Variants in LMO4 observed in about 807,000 individuals in gnomAD.
The protein encoded by LMO4 is LIM domain transcription factor LMO4.
In LMO4, 3 loss-of-function variants were observed where a neutral mutation model predicts 18.5. That is an observed-to-expected ratio of 0.16 (90% CI 0.07 to 0.42). LMO4 has a LOEUF of 0.42. Ranked by LOEUF, LMO4 falls within the 10% of genes least tolerant of loss-of-function variation. The probability of loss-of-function intolerance (pLI) is 0.99; values close to 1 mark genes in which losing one functional copy is unlikely to be tolerated. For missense variants in LMO4, 121 were observed against 219.9 expected (o/e 0.55, Z 2.84); for synonymous variants, 100 against 88.1 (o/e 1.14, Z -0.76).
At position 87,345,787 on chromosome 1, in the gene LMO4, A is replaced by AC. The variant is rs1174052344; in HGVS notation, c.*992dup. On this transcript the variant is annotated 3_prime_UTR_variant, in exon 5 of 5. Coordinates refer to ENST00000370544, the MANE Select transcript of LMO4 (RefSeq NM_006769.4). ...TGGCAGGGGTACAAAGTAGTTTCTAACAGGGTCCTTTCTATAAGTCAAGAA... is the reference window on the plus strand; with the variant it reads ...TGGCAGGGGTACAAAGTAGTTTCTAACCAGGGTCCTTTCTATAAGTCAAGAA... The AC allele has an allele frequency of 6.6e-6, 1 of 152,214 alleles. No individual in the cohort carries two copies. The highest frequency in any genetic ancestry group is 6.5e-5 in the Admixed American group (1 of 15,286). The allele number at this position is 152,214 out of a possible 1,614,324, so 9.4% of individuals were successfully genotyped here.
chr1:87,333,050 C>A (rs1028115977), intron 2 of LMO4, among the ~76,000 whole-genome samples: 1 of 152,168 alleles, frequency 6.6e-6, no homozygotes, highest in Non-Finnish European at 1.5e-5. Flanking sequence ...ACTAATCTTG[C>A]ATTTTAAAGC....
chr1:87,338,496 A>T (rs1650377285), intron 2 of LMO4, among the ~76,000 whole-genome samples: 1 of 152,252 alleles, frequency 6.6e-6, no homozygotes, highest in Admixed American at 6.5e-5. Flanking sequence ...ATTTGTGGAT[A>T]TTAAAGAGGG....
chr1:87,329,625 AC>A (rs551092359), intron 1 of LMO4, among the ~76,000 whole-genome samples: 8 of 150,772 alleles, frequency 5.3e-5, no homozygotes, highest in South Asian at 4.2e-4. Flanking sequence ...TAGTCACGAT[AC>A]CCCCCCTCCC....
intron 2 of LMO4, 127 bp downstream of exon 2, chr1:87,332,378 A>C (rs1467530495): frequency 1.4e-6 from 1 of 695,998 alleles, no homozygotes; most frequent in African/African-American, 1.8e-5. Context: ...AAAATCTTCT[A>C]GTTGGCGGAA....
Position 87,344,900 on chromosome 1 carries a change from G to A in LMO4, c.*104G>A. The A allele has an allele frequency of 8.9e-7, 1 of 1,119,832 alleles. No individual in the cohort carries two copies. The highest frequency in any genetic ancestry group is 1.4e-6 in the Non-Finnish European group (1 of 736,124). 69.4% of individuals were successfully genotyped at this position (1,119,832 alleles called of 1,614,324 possible). ...CAAGTCACCTTTGTAGCTAGCACCA[G>A]TGCCAGCTCCATGCCATTGCACCTT... On this transcript the variant is annotated 3_prime_UTR_variant, in exon 5 of 5. Coordinates refer to ENST00000370544, the MANE Select transcript of LMO4 (RefSeq NM_006769.4).
chr1:87,333,497 C>T (rs1437200824), intron 2 of LMO4, among the ~76,000 whole-genome samples: 1 of 152,102 alleles, frequency 6.6e-6, no homozygotes, highest in East Asian at 1.9e-4. Flanking sequence ...TTCGCCTTAT[C>T]CTGCGACTAA....
At position 87,348,279 on chromosome 1, in the gene LMO4, A is replaced by T. The variant is rs1252596936; in HGVS notation, c.*3483A>T. 5.3e-5 allele frequency: 9 copies of T among 169,416 alleles called. No homozygotes were observed. In the East Asian group the frequency reaches 1.3e-3, roughly 25 times the overall value. The allele number at this position is 169,416 out of a possible 1,614,324, so 10.5% of individuals were successfully genotyped here. On this transcript the variant is annotated 3_prime_UTR_variant, in exon 5 of 5. Coordinates refer to ENST00000370544, the MANE Select transcript of LMO4 (RefSeq NM_006769.4). ...CACCCCAAAGACCCCTTCACCCTTC[A>T]CCAGGGAATTCTATCCTGGGTGCTG...
chr1:87,342,285 A>G (rs1650519898), intron 4 of LMO4, among the ~76,000 whole-genome samples: 1 of 152,204 alleles, frequency 6.6e-6, no homozygotes, highest in African/African-American at 2.4e-5. Flanking sequence ...CCTAAGAAAT[A>G]TGAGCAGGAT....
At chr1:87,344,427 G>GA (rs1229004888) in intron 4 of LMO4, among the ~76,000 whole-genome samples, 1 of 152,190 alleles carries the variant, frequency 6.6e-6, no homozygotes, top group African/African-American at 2.4e-5. Context: ...ACTTGTCTTG[G>GA]AATGTCCCCG....
chr1:87,336,239 A>T (rs1650309279), intron 2 of LMO4, among the ~76,000 whole-genome samples: 1 of 152,198 alleles, frequency 6.6e-6, no homozygotes, highest in African/African-American at 2.4e-5. Context: ...TTGCTTCTGG[A>T]TCAGTAGCTG....
intron 2 of LMO4, among the ~76,000 whole-genome samples, chr1:87,336,722 T>C (rs1650325661): frequency 6.6e-6 from 1 of 152,178 alleles, no homozygotes. Context: ...CTTCTTGGAC[T>C]GAGGACCCAA....
Position 87,339,535 on chromosome 1 carries a change from G to A in LMO4, c.237-1G>A. Reference sequence around the variant, plus strand: ...GTGTCAACCGTTATTCTTTGTTTCAGGTTATTTGGAAATAGCGGTGCTTGC... The same window carrying A: ...GTGTCAACCGTTATTCTTTGTTTCAAGTTATTTGGAAATAGCGGTGCTTGC... On this transcript the variant is annotated splice_acceptor_variant, in intron 2 of 4. Transcript: ENST00000370544. LOFTEE classifies it high-confidence loss of function. The A allele has an allele frequency of 6.2e-7, 1 of 1,611,186 alleles. No individual in the cohort carries two copies. The highest frequency in any genetic ancestry group is 8.5e-7 in the Non-Finnish European group (1 of 1,177,420).
intron 2 of LMO4, among the ~76,000 whole-genome samples, chr1:87,333,942 CA>C (rs78559370): frequency 1.3e-3 from 144 of 109,878 alleles, no homozygotes; most frequent in African/African-American, 1.4e-3. Context: ...CGAGTGCCTT[CA>C]AAAAAAAAAA....
Position 87,344,943 on chromosome 1 carries a change from C to G in LMO4, c.*147C>G, listed in dbSNP as rs924684550. ...TGCACCTTCTTTAGTCTTGATTGCC[C>G]TTCCCGCATTTATTGGTGTATTAAA... On this transcript the variant is annotated 3_prime_UTR_variant, in exon 5 of 5. Transcript: ENST00000370544. 4.2e-6 allele frequency: 3 copies of G among 714,624 alleles called. No homozygotes were observed. The African/African-American group carries it at 5.4e-5, about 13-fold the overall frequency. The allele number at this position is 714,624 out of a possible 1,614,324, so 44.3% of individuals were successfully genotyped here.
At position 87,339,639 on chromosome 1, in the gene LMO4, T is replaced by C. The variant is rs762205103; in HGVS notation, c.333+7T>C. 6.4e-7 allele frequency: 1 copy of C among 1,573,730 alleles called. No homozygotes were observed. The highest frequency in any genetic ancestry group is 2.2e-5 in the East Asian group (1 of 44,674). ...CAATGTGTATCATCTTAAGGTAGTA[T>C]TTGCATCTCTCTTTTTTTTTTAAAA... On this transcript the variant is annotated splice_region_variant and intron_variant, in intron 3 of 4. Transcript: ENST00000370544.
Position 87,339,779 on chromosome 1 carries a change from T to A in LMO4, c.333+147T>A, listed in dbSNP as rs559551632. 6.0e-6 allele frequency: 4 copies of A among 663,938 alleles called. No homozygotes were observed. The South Asian group carries it at 7.3e-5, about 12-fold the overall frequency. 41.1% of individuals were successfully genotyped at this position (663,938 alleles called of 1,614,324 possible). On this transcript the variant is annotated intron_variant, in intron 3 of 4. Coordinates refer to ENST00000370544, the MANE Select transcript of LMO4 (RefSeq NM_006769.4). ...GATTGAAATTGTAGCATGGCAGTGA[T>A]GGTTACACATCCACATGCACAGACC...
In LMO4 at chr1:87,346,557, G is replaced by A. The variant is rs1650640420; in HGVS notation, c.*1761G>A. ...CCCTCCCTCTGAGAATAGCCGTGGA[G>A]CCATGTAGAGAGGTGTAGCTCAGCA... On this transcript the variant is annotated 3_prime_UTR_variant, in exon 5 of 5. Transcript: ENST00000370544. The A allele has an allele frequency of 6.6e-6, 1 of 152,162 alleles. No individual in the cohort carries two copies. Among genetic ancestry groups the A allele is most frequent in the Non-Finnish European group, 1.5e-5 (1 of 68,034 alleles). 9.4% of individuals were successfully genotyped at this position (152,162 alleles called of 1,614,324 possible).
chr1:87,340,157 C>A lies in LMO4; in HGVS notation c.444C>A (p.Gly148=). 6.2e-7 allele frequency: 1 copy of A among 1,614,050 alleles called. No homozygotes were observed. The highest frequency in any genetic ancestry group is 8.5e-7 in the Non-Finnish European group (1 of 1,179,966). ...EHDRPTALIN[G]HLNSLQSNPL... ...ATAGACCTACAGCTCTCATCAATGGCCATTTGAATTCACTTCAGAGCAATC... is the reference window on the plus strand; with the variant it reads ...ATAGACCTACAGCTCTCATCAATGGACATTTGAATTCACTTCAGAGCAATC... Residue 148 remains glycine, a synonymous_variant, in exon 4 of 5, where the codon GGC becomes GGA. Coordinates refer to ENST00000370544, the MANE Select transcript of LMO4 (RefSeq NM_006769.4).
chr1:87,336,050 A>C (rs1553157513), intron 2 of LMO4, among the ~76,000 whole-genome samples: 1 of 112,344 alleles, frequency 8.9e-6, no homozygotes, highest in Non-Finnish European at 1.7e-5. Flanking sequence ...TATTATGCAC[A>C]GCCCCCCTCT....
Sources: allele counts gnomAD v4.1 joint callset (sites outside exome capture counted in the v4.1 genomes callset), GRCh38; gene constraint gnomAD v4.1.1; transcripts MANE v1.5; gene names NCBI Gene and HGNC (gene_info 2026-07-23, HGNC 2026-07-21).